PHLDB2: variants seen among roughly 807,000 people sequenced by gnomAD.
PHLDB2 encodes the protein pleckstrin homology-like domain family B member 2.
A neutral mutation model predicts 123.6 loss-of-function variants in PHLDB2; 71 were observed. That is an observed-to-expected ratio of 0.57 (90% CI 0.47 to 0.70). PHLDB2 has a LOEUF of 0.70. Among genes scored for constraint, PHLDB2 ranks in the 30% least tolerant of loss-of-function variants. PHLDB2 has a pLI of 0.00. For synonymous variants in PHLDB2, 547 were observed against 541.6 expected (o/e 1.01, Z -0.14); for missense variants, 1,446 against 1,519.5 (o/e 0.95, Z 0.80).
At position 111,953,967 on chromosome 3, in the gene PHLDB2, G is replaced by T; in HGVS notation, c.2810G>T (p.Ser937Ile). 6.2e-7 allele frequency: 1 copy of T among 1,613,720 alleles called. No individual in the cohort carries two copies. Among genetic ancestry groups the T allele is most frequent in the African/African-American group, 1.3e-5 (1 of 75,000 alleles). ...LPLGQSNSCG[S>I]VLPPSLAAMA... ...CTAGGACAGAGTAACAGCTGTGGAAGTGTGCTCCCTCCCTCACTGGCAGCC... is the reference window on the plus strand; with the variant it reads ...CTAGGACAGAGTAACAGCTGTGGAATTGTGCTCCCTCCCTCACTGGCAGCC... Residue 937 changes from serine (S) to isoleucine (I), a missense_variant, in exon 12 of 18, where the codon AGT (serine) becomes ATT (isoleucine). Around this residue, in one of 3 missense-constraint regions of PHLDB2, gnomAD observed 594 missense variants for 646.0 expected, o/e 0.92. Coordinates refer to ENST00000431670, the MANE Select transcript of PHLDB2 (RefSeq NM_001134438.2).
intron 16 of PHLDB2, among the ~76,000 whole-genome samples, chr3:111,971,838 C>T (rs1259504564): frequency 6.6e-6 from 1 of 152,226 alleles, no homozygotes; most frequent in South Asian, 2.1e-4. Context: ...CTGTGTTATT[C>T]ATGGCCCTGG....
chr3:111,801,676 T>C (rs542800130), intron 1 of PHLDB2, among the ~76,000 whole-genome samples: 1 of 152,274 alleles, frequency 6.6e-6, no homozygotes, highest in Non-Finnish European at 1.5e-5. Flanking sequence ...AAATAAAATT[T>C]TGATACATGT....
In PHLDB2 at chr3:111,913,657, T is replaced by C. The variant is rs2068006838; in HGVS notation, c.1674T>C (p.Phe558=). The C allele has an allele frequency of 6.2e-7, 1 of 1,613,832 alleles. No homozygotes were observed. The highest frequency in any genetic ancestry group is 2.2e-5 in the East Asian group (1 of 44,882). ...TRTPPPPSST[F]PKASSESSYL... ...CTCCTCCACCACCATCCTCCACCTTTCCGAAAGCTTCCAGCGAGTCCTCTT... is the reference window on the plus strand; with the variant it reads ...CTCCTCCACCACCATCCTCCACCTTCCCGAAAGCTTCCAGCGAGTCCTCTT... Residue 558 remains phenylalanine, a synonymous_variant, in exon 3 of 18, where the codon TTT becomes TTC. Coordinates refer to ENST00000431670, the MANE Select transcript of PHLDB2 (RefSeq NM_001134438.2).
intron 5 of PHLDB2, among the ~76,000 whole-genome samples, chr3:111,928,138 G>GCATACTGCAT (rs1236267874): frequency 6.6e-6 from 1 of 152,082 alleles, no homozygotes; most frequent in Non-Finnish European, 1.5e-5. Flanking sequence ...TACGAATATT[G>GCATACTGCAT]CATACTGCAA....
chr3:111,868,621 T>TTATATA (rs112734384), intron 1 of PHLDB2, among the ~76,000 whole-genome samples: 32 of 150,588 alleles, frequency 2.1e-4, no homozygotes, highest in African/African-American at 7.8e-4. Flanking sequence ...TGAGCTGAAT[T>TTATATA]TATATATATA....
intron 2 of PHLDB2, among the ~76,000 whole-genome samples, chr3:111,849,042 G>A (rs1043371068): frequency 1.3e-5 from 2 of 152,168 alleles, no homozygotes; most frequent in Non-Finnish European, 2.9e-5. Context: ...AGCAATGCCC[G>A]ACTGTATATG....
At chr3:111,829,573 C>T (rs2062836611) in intron 1 of PHLDB2, among the ~76,000 whole-genome samples, 1 of 150,960 alleles carries the variant, frequency 6.6e-6, no homozygotes, top group African/African-American at 2.4e-5. Context: ...AAGCGATTCT[C>T]CTTCCTCAGC....
intron 13 of PHLDB2, among the ~76,000 whole-genome samples, chr3:111,963,114 G>A (rs2071519214): frequency 6.6e-6 from 1 of 152,090 alleles, no homozygotes; most frequent in African/African-American, 2.4e-5. Flanking sequence ...GACAAGCAAA[G>A]GTGGTCTTAA....
intron 1 of PHLDB2, among the ~76,000 whole-genome samples, chr3:111,797,350 C>G (rs2061202861): frequency 6.6e-6 from 1 of 151,918 alleles, no homozygotes; most frequent in East Asian, 1.9e-4. Flanking sequence ...TTTAGGCAGA[C>G]ACACACACAC....
intron 2 of PHLDB2, chr3:111,885,703 T>C: frequency 3.2e-6 from 2 of 617,642 alleles, no homozygotes; most frequent in Non-Finnish European, 5.7e-6. Flanking sequence ...GGGAATTTTA[T>C]GAAATTTCTG....
intron 1 of PHLDB2, among the ~76,000 whole-genome samples, chr3:111,843,117 A>G (rs1254554355): frequency 6.6e-6 from 1 of 152,224 alleles, no homozygotes; most frequent in Non-Finnish European, 1.5e-5. Flanking sequence ...GTATATACGT[A>G]GGAGTGGAAT....
intron 12 of PHLDB2, among the ~76,000 whole-genome samples, chr3:111,961,535 C>A (rs1373665021): frequency 6.6e-6 from 1 of 151,706 alleles, no homozygotes; most frequent in Non-Finnish European, 1.5e-5. Context: ...CAGACAAGAA[C>A]AACTGAAAAA....
chr3:111,789,003 A>T (rs2060803301), intron 1 of PHLDB2, among the ~76,000 whole-genome samples: 1 of 152,220 alleles, frequency 6.6e-6, no homozygotes, highest in South Asian at 2.1e-4. Flanking sequence ...AAATGAAACG[A>T]TGAGCGCTAT....
chr3:111,856,667 A>T (rs2064523805), upstream of PHLDB2, among the ~76,000 whole-genome samples: 1 of 152,172 alleles, frequency 6.6e-6, no homozygotes, highest in Non-Finnish European at 1.5e-5. Flanking sequence ...AGTCAAGTGT[A>T]TTTCTGGCAT....
intron 1 of PHLDB2, among the ~76,000 whole-genome samples, chr3:111,757,188 G>T (rs917503994): frequency 6.6e-6 from 1 of 152,188 alleles, no homozygotes; most frequent in Non-Finnish European, 1.5e-5. Flanking sequence ...TAATCTGAAT[G>T]TTGGCCTGCC....
At chr3:111,910,580 C>A (rs184963920) in intron 2 of PHLDB2, among the ~76,000 whole-genome samples, 186 of 152,310 alleles carry the variant, frequency 1.2e-3, no homozygotes, top group Non-Finnish European at 2.0e-3. Flanking sequence ...GAGGTTCCAG[C>A]ATAATTATTA....
At chr3:111,911,766 A>G in intron 2 of PHLDB2, 10 of 1,494,408 alleles carry the variant, frequency 6.7e-6, no homozygotes, top group Non-Finnish European at 8.1e-6. Flanking sequence ...CTTTTGATCA[A>G]GCTATTGCTC....
chr3:111,838,567 A>G (rs551857547), intron 1 of PHLDB2, among the ~76,000 whole-genome samples: 1 of 152,326 alleles, frequency 6.6e-6, no homozygotes, highest in East Asian at 1.9e-4. Flanking sequence ...TAATAATTTG[A>G]TTACCATAAA....
chr3:111,962,300 A>G lies in PHLDB2; in HGVS notation c.3065A>G (p.Asp1022Gly). ...ACCAGCATCTCTGCTTGCTCACCAG[A>G]CAACATCTCTAGGTAAGATTTATTT... ...METSISACSP[D>G]NISSASTSNI... Residue 1022 changes from aspartate to glycine, a missense_variant, in exon 13 of 18, where the codon GAC becomes GGC. Physicochemically the swap from Asp to Gly is moderately conservative, Grantham distance 94. Coordinates refer to ENST00000431670, the MANE Select transcript of PHLDB2 (RefSeq NM_001134438.2). The G allele has an allele frequency of 6.3e-7, 1 of 1,589,416 alleles. No homozygotes were observed. Among genetic ancestry groups the G allele is most frequent in the South Asian group, 1.2e-5 (1 of 85,324 alleles).
Sources: allele counts gnomAD v4.1 joint callset (sites outside exome capture counted in the v4.1 genomes callset), GRCh38; gene constraint gnomAD v4.1.1; regional missense constraint gnomAD v4.1.1; transcripts MANE v1.5; gene names NCBI Gene and HGNC (gene_info 2026-07-23, HGNC 2026-07-21).